RAB11FIP4: variants seen among roughly 807,000 people sequenced by gnomAD.
The protein encoded by RAB11FIP4 is rab11 family-interacting protein 4.
In RAB11FIP4, 23 loss-of-function variants were observed where a neutral mutation model predicts 74.3. That is an observed-to-expected ratio of 0.31 (90% CI 0.22 to 0.44). The LOEUF (loss-of-function observed/expected upper bound fraction) is 0.44. Among genes scored for constraint, RAB11FIP4 ranks in the 20% least tolerant of loss-of-function variants. RAB11FIP4 has a pLI of 1.00. For missense variants in RAB11FIP4, 630 were observed against 863.9 expected, an observed-to-expected ratio of 0.73 and a Z score of 3.39; for synonymous variants, 360 against 359.9, an observed-to-expected ratio of 1.00 and a Z score of 0.00.
chr17:31,475,793 T>TC (rs1176913710), intron 3 of RAB11FIP4, among the ~76,000 whole-genome samples: 1 of 111,292 alleles, frequency 9.0e-6, no homozygotes, highest in African/African-American at 3.8e-5. Flanking sequence ...TCTGCATTTT[T>TC]GTGTGGTTTT....
intron 1 of RAB11FIP4, among the ~76,000 whole-genome samples, chr17:31,396,628 C>T (rs759301924): frequency 6.6e-6 from 1 of 152,174 alleles, no homozygotes; most frequent in African/African-American, 2.4e-5. Flanking sequence ...CTGGCACCGG[C>T]CTCTGTGTGC....
intron 3 of RAB11FIP4, among the ~76,000 whole-genome samples, chr17:31,438,974 G>T (rs983363204): frequency 6.6e-6 from 1 of 151,950 alleles, no homozygotes; most frequent in African/African-American, 2.4e-5. Flanking sequence ...CTTAGGTACC[G>T]CCTCCTCCAG....
chr17:31,418,024 G>A (rs1255053929), intron 1 of RAB11FIP4, among the ~76,000 whole-genome samples: 1 of 152,194 alleles, frequency 6.6e-6, no homozygotes, highest in Non-Finnish European at 1.5e-5. Flanking sequence ...CTGGGAGGTC[G>A]AGGCTGCTGT....
rs772604514 is a variant in RAB11FIP4 at position 31,528,462 on chromosome 17, G to A, written c.1413G>A (p.Glu471=). 1.9e-6 allele frequency: 3 copies of A among 1,613,510 alleles called. No individual in the cohort carries two copies. The Admixed American group carries it at 5.0e-5, about 27-fold the overall frequency. ...ACACCAGCCTGCGGCTCAAAGATGA[G>A]ATGGACCTGTACAAGCGCATGATGG... ...LEDTSLRLKD[E]MDLYKRMMDK... is the part of the protein sequence containing the mutation. Residue 471 remains glutamate (E), a synonymous_variant, in exon 12 of 15, where the codon GAG becomes GAA. Coordinates refer to ENST00000621161, the MANE Select transcript of RAB11FIP4 (RefSeq NM_032932.6).
At chr17:31,476,121 T>C (rs2071789614) in intron 3 of RAB11FIP4, among the ~76,000 whole-genome samples, 2 of 151,654 alleles carry the variant, frequency 1.3e-5, no homozygotes, top group African/African-American at 4.8e-5. Flanking sequence ...ATTCTGTGTT[T>C]GTAGTGACTT....
intron 3 of RAB11FIP4, among the ~76,000 whole-genome samples, chr17:31,497,430 C>T (rs1210197660): frequency 2.0e-5 from 3 of 152,048 alleles, no homozygotes; most frequent in Admixed American, 2.0e-4. Flanking sequence ...GGAGTGCCAG[C>T]CAGTGGCACT....
At chr17:31,514,061 G>A (rs1368814315) in intron 3 of RAB11FIP4, among the ~76,000 whole-genome samples, 2 of 152,254 alleles carry the variant, frequency 1.3e-5, no homozygotes. Context: ...ACTCTGCTTA[G>A]TCCAAGGCTG....
At chr17:31,432,302 C>A (rs2071318148) in intron 2 of RAB11FIP4, among the ~76,000 whole-genome samples, 2 of 151,814 alleles carry the variant, frequency 1.3e-5, no homozygotes, top group African/African-American at 4.8e-5. Context: ...GGTCACATGA[C>A]TGCCCGCCTC....
At chr17:31,488,608 C>T (rs1597948893) in intron 3 of RAB11FIP4, among the ~76,000 whole-genome samples, 1 of 152,242 alleles carries the variant, frequency 6.6e-6, no homozygotes, top group Non-Finnish European at 1.5e-5. Context: ...CAGCGCCGTA[C>T]CCTTGGGCCG....
chr17:31,530,340 G>C lies in RAB11FIP4; in HGVS notation c.1668G>C (p.Leu556=), dbSNP rs1427514092. ...VKRLKQENYK[L]RDQNDDLNGQ... ...TCTCTCTGTAGGAGAATTATAAGCT[G>C]CGGGATCAGAACGACGACTTGAATG... The change falls in exon 14 of 15, where the codon CTG becomes CTC. Residue 556 remains leucine (L), a synonymous_variant. Transcript: ENST00000621161. 6.2e-7 allele frequency: 1 copy of C among 1,614,154 alleles called. No homozygotes were observed. The highest frequency in any genetic ancestry group is 8.5e-7 in the Non-Finnish European group (1 of 1,180,008).
At chr17:31,430,144 A>G (rs1334753685) in intron 1 of RAB11FIP4, among the ~76,000 whole-genome samples, 2 of 152,172 alleles carry the variant, frequency 1.3e-5, no homozygotes, top group African/African-American at 4.8e-5. Context: ...GGATGAACTG[A>G]CATGGCGAAT....
At chr17:31,457,891 C>T (rs532610151) in intron 3 of RAB11FIP4, among the ~76,000 whole-genome samples, 1 of 152,276 alleles carries the variant, frequency 6.6e-6, no homozygotes, top group African/African-American at 2.4e-5. Context: ...TCTCTATCTG[C>T]ACCCCATCTC....
intron 3 of RAB11FIP4, among the ~76,000 whole-genome samples, chr17:31,477,330 A>C (rs1207062287): frequency 6.6e-6 from 1 of 152,148 alleles, no homozygotes; most frequent in Non-Finnish European, 1.5e-5. Context: ...GACTGTGAGG[A>C]GGGGGCACTT....
At chr17:31,511,887 C>A (rs531689849) in intron 3 of RAB11FIP4, among the ~76,000 whole-genome samples, 1 of 152,198 alleles carries the variant, frequency 6.6e-6, no homozygotes, top group Non-Finnish European at 1.5e-5. Flanking sequence ...GCGAACACGG[C>A]TCTCAAGACT....
In RAB11FIP4 at chr17:31,525,186, G is replaced by A. The variant is rs369040633; in HGVS notation, c.1230G>A (p.Lys410=). 132 of 1,548,960 alleles carry A rather than the reference G, an allele frequency of 8.5e-5. No individual in the cohort carries two copies. The highest frequency in any genetic ancestry group is 1.0e-4 in the Non-Finnish European group (116 of 1,146,942). Residue 410 remains lysine, a synonymous_variant, in exon 10 of 15, where the codon AAG becomes AAA. Transcript: ENST00000621161. ...GGCGCCACCGCGAGGCCTACGGCAA[G>A]CTGGAGAGGGAGAAGGCTACCGAGG... The part of the protein sequence containing the change: ...EARRHREAYG[K]LEREKATEVE...
chr17:31,402,816 G>C (rs560387169), intron 1 of RAB11FIP4, among the ~76,000 whole-genome samples: 3 of 151,366 alleles, frequency 2.0e-5, no homozygotes, highest in Admixed American at 1.3e-4. Flanking sequence ...TAGTAGAGAC[G>C]GGGTTTCACC....
chr17:31,513,217 G>A (rs1244182763), intron 3 of RAB11FIP4, among the ~76,000 whole-genome samples: 2 of 152,162 alleles, frequency 1.3e-5, no homozygotes, highest in Non-Finnish European at 2.9e-5. Context: ...GGAACCCACC[G>A]CCTCCAGAAG....
chr17:31,515,823 G>C (rs2142802511), intron 3 of RAB11FIP4, among the ~76,000 whole-genome samples: 1 of 152,294 alleles, frequency 6.6e-6, no homozygotes, highest in East Asian at 1.9e-4. Flanking sequence ...TTTACAGAGA[G>C]CTGCCCCTCG....
intron 3 of RAB11FIP4, among the ~76,000 whole-genome samples, chr17:31,456,851 G>C (rs571639445): frequency 6.6e-6 from 1 of 152,172 alleles, no homozygotes; most frequent in Non-Finnish European, 1.5e-5. Context: ...ATTGCCTGGG[G>C]GTGGTGGGGA....
Sources: allele counts gnomAD v4.1 joint callset (sites outside exome capture counted in the v4.1 genomes callset), GRCh38; gene constraint gnomAD v4.1.1; transcripts MANE v1.5; gene names NCBI Gene and HGNC (gene_info 2026-07-23, HGNC 2026-07-21).